SHTN1: variants seen among roughly 807,000 people sequenced by gnomAD.
SHTN1 encodes the protein shootin 1.
A neutral mutation model predicts 83.1 loss-of-function variants in SHTN1; 42 were observed. That is an observed-to-expected ratio of 0.51 (90% CI 0.39 to 0.65). The LOEUF (loss-of-function observed/expected upper bound fraction) is 0.65. Ranked by LOEUF, SHTN1 falls within the 30% of genes least tolerant of loss-of-function variation. SHTN1 has a pLI of 0.00. For synonymous variants in SHTN1, 224 were observed against 247.7 expected (o/e 0.90, Z 0.90); for missense variants, 622 against 737.8 (o/e 0.84, Z 1.82).
chr10:116,931,735 T>A (rs962075191), intron 9 of SHTN1, among the ~76,000 whole-genome samples: 1 of 152,238 alleles, frequency 6.6e-6, no homozygotes, highest in Admixed American at 6.5e-5. Context: ...TAAAATAGTA[T>A]GCATAGTATG....
intron 2 of SHTN1, among the ~76,000 whole-genome samples, chr10:117,029,104 A>T (rs898982540): frequency 1.6e-4 from 25 of 152,208 alleles, no homozygotes; most frequent in African/African-American, 6.0e-4. Context: ...TCCACCTCTT[A>T]TATCAGTGTG....
intron 2 of SHTN1, among the ~76,000 whole-genome samples, chr10:117,037,760 C>T (rs1852519956): frequency 6.6e-6 from 1 of 151,806 alleles, no homozygotes; most frequent in African/African-American, 2.4e-5. Context: ...GCAATCCCAG[C>T]ACTTTGGGAG....
At chr10:116,981,001 T>C (rs749028005) in intron 1 of SHTN1, among the ~76,000 whole-genome samples, 1 of 152,204 alleles carries the variant, frequency 6.6e-6, no homozygotes, top group South Asian at 2.1e-4. Flanking sequence ...AATGTGTACA[T>C]GTAAAGATAT....
At chr10:117,100,770 A>G (rs965673794) in intron 1 of SHTN1, among the ~76,000 whole-genome samples, 2 of 152,222 alleles carry the variant, frequency 1.3e-5, no homozygotes, top group Non-Finnish European at 2.9e-5. Flanking sequence ...ACCTGAGCTG[A>G]AGTCTAGGGA....
At chr10:117,110,005 T>C (rs1853742682) in intron 1 of SHTN1, among the ~76,000 whole-genome samples, 1 of 152,200 alleles carries the variant, frequency 6.6e-6, no homozygotes, top group South Asian at 2.1e-4. Flanking sequence ...AACTGAATCA[T>C]AGCTGGAGAG....
chr10:117,015,188 A>G (rs1364575022), intron 2 of SHTN1, among the ~76,000 whole-genome samples: 1 of 152,128 alleles, frequency 6.6e-6, no homozygotes, highest in Non-Finnish European at 1.5e-5. Context: ...CTTCTTCTTA[A>G]TTAACTTCTG....
At chr10:117,079,821 T>G (rs1332073578) in intron 1 of SHTN1, among the ~76,000 whole-genome samples, 1 of 148,320 alleles carries the variant, frequency 6.7e-6, no homozygotes, top group African/African-American at 2.5e-5. Flanking sequence ...GTTTTTTGGC[T>G]GCATAAATGT....
At chr10:117,024,486 C>CT (rs1039246417) in intron 2 of SHTN1, among the ~76,000 whole-genome samples, 2 of 151,108 alleles carry the variant, frequency 1.3e-5, no homozygotes, top group Admixed American at 1.3e-4. Context: ...TCCCGAGTAG[C>CT]TGGGACTACA....
chr10:116,958,510 G>A (rs1430916901), intron 4 of SHTN1, among the ~76,000 whole-genome samples: 5 of 152,108 alleles, frequency 3.3e-5, no homozygotes, highest in African/African-American at 4.8e-5. Context: ...ACACTGGTTC[G>A]TAACGAGCAA....
chr10:117,092,766 T>C (rs1435961375), intron 1 of SHTN1, among the ~76,000 whole-genome samples: 1 of 152,166 alleles, frequency 6.6e-6, no homozygotes, highest in Non-Finnish European at 1.5e-5. Flanking sequence ...TTACTGTCTT[T>C]AGAGAACCGA....
chr10:116,893,882 C>T (rs147776980), intron 16 of SHTN1, among the ~76,000 whole-genome samples: 2 of 152,226 alleles, frequency 1.3e-5, no homozygotes, highest in African/African-American at 4.8e-5. Context: ...AGCTCATAAT[C>T]TTTCATAGGA....
At chr10:116,901,736 A>C in intron 16 of SHTN1, 29 bp downstream of exon 16, 1 of 1,541,734 alleles carries the variant, frequency 6.5e-7, no homozygotes, top group Non-Finnish European at 8.7e-7. Context: ...TCTTCTATAC[A>C]CCACTTAGTA....
chr10:116,991,751 G>C (rs1173546311), intron 1 of SHTN1, among the ~76,000 whole-genome samples: 1 of 152,090 alleles, frequency 6.6e-6, no homozygotes, highest in Non-Finnish European at 1.5e-5. Flanking sequence ...AGATTTTGGG[G>C]GACAAATATC....
At position 116,921,619 on chromosome 10, in the gene SHTN1, G is replaced by C. The variant is rs561478437; in HGVS notation, c.1113-103C>G. 1.1e-5 allele frequency: 8 copies of C among 709,184 alleles called. No individual in the cohort carries two copies. In the East Asian group the frequency reaches 2.2e-4, roughly 19 times the overall value. 43.9% of individuals were successfully genotyped at this position (709,184 alleles called of 1,614,324 possible). On this transcript the variant is annotated intron_variant, in intron 11 of 16. Coordinates refer to ENST00000355371, the MANE Select transcript of SHTN1 (RefSeq NM_001127211.3). ...TGATAGGTGCATGAATATATAACTA[G>C]AATCTAAGTAGTCTACGTTCCATTT...
chr10:116,947,404 C>T (rs1229481258), intron 7 of SHTN1, among the ~76,000 whole-genome samples: 1 of 152,192 alleles, frequency 6.6e-6, no homozygotes. Flanking sequence ...TCAATCCTAA[C>T]TGACTTAAGG....
intron 2 of SHTN1, among the ~76,000 whole-genome samples, chr10:117,046,123 A>G (rs1354458054): frequency 6.6e-6 from 1 of 152,158 alleles, no homozygotes; most frequent in African/African-American, 2.4e-5. Flanking sequence ...GGATTTTCCA[A>G]AATTAATGAC....
chr10:116,972,428 G>A (rs779231991), intron 2 of SHTN1, among the ~76,000 whole-genome samples: 1 of 152,176 alleles, frequency 6.6e-6, no homozygotes, highest in Non-Finnish European at 1.5e-5. Context: ...AGCAAAATAT[G>A]GAGGATGTAC....
intron 2 of SHTN1, among the ~76,000 whole-genome samples, chr10:116,972,831 C>G (rs962108941): frequency 1.3e-5 from 2 of 152,168 alleles, no homozygotes; most frequent in Non-Finnish European, 2.9e-5. Context: ...AACATTACAT[C>G]GACTCTAGAG....
chr10:116,900,950 T>C (rs1341643568), intron 16 of SHTN1: 1 of 985,338 alleles, frequency 1.0e-6, no homozygotes, highest in Non-Finnish European at 1.2e-6. Context: ...CCAACTTCAT[T>C]TGTCCAGGTT....
Sources: gnomAD v4.1 joint callset for allele counts (sites outside exome capture counted in the v4.1 genomes callset) on GRCh38, gnomAD v4.1.1 for gene constraint, MANE v1.5 for transcripts, NCBI Gene and HGNC (gene_info 2026-07-23, HGNC 2026-07-21) for gene names.